Variants in BBOF1 observed in about 807,000 individuals in gnomAD.
BBOF1 encodes the protein basal body-orientation factor 1.
BBOF1 carries 62 observed loss-of-function variants against 68.0 expected under a neutral mutation model. The ratio of observed to expected loss-of-function variants is 0.91; its 90% CI spans 0.74 to 1.13. The LOEUF is 1.13. Ranked by LOEUF, BBOF1 falls within the 50% of genes most tolerant of loss-of-function variation. The probability of loss-of-function intolerance (pLI) is 0.00; values close to 1 mark genes in which losing one functional copy is unlikely to be tolerated. For missense variants in BBOF1, 534 were observed against 600.1 expected (o/e 0.89, Z 1.15); for synonymous variants, 208 against 198.8 (o/e 1.05, Z -0.39).
chr14:74,076,994 T>C (rs2060620068), intron 9 of BBOF1, among the ~76,000 whole-genome samples: 1 of 152,174 alleles, frequency 6.6e-6, no homozygotes, highest in African/African-American at 2.4e-5. Flanking sequence ...TTAACCAGAG[T>C]ATAGAGCTGC....
chr14:74,081,708 G>T (rs942614515), intron 12 of BBOF1, among the ~76,000 whole-genome samples: 5 of 152,014 alleles, frequency 3.3e-5, no homozygotes, highest in Non-Finnish European at 1.5e-5. Flanking sequence ...CTTTCCCTAG[G>T]TCCCCACAGT....
downstream of BBOF1, chr14:74,066,565 C>G: frequency 3.3e-6 from 3 of 903,604 alleles, no homozygotes; most frequent in South Asian, 4.2e-5. Context: ...CATTCAGACT[C>G]CAGATAAAAT....
chr14:74,063,648 C>T (rs1479970571), intron 11 of BBOF1, among the ~76,000 whole-genome samples: 1 of 151,046 alleles, frequency 6.6e-6, no homozygotes, highest in Non-Finnish European at 1.5e-5. Flanking sequence ...GGCGGATCAC[C>T]TGAGGTCAGG....
chr14:74,079,732 T>C (rs913774933), intron 10 of BBOF1, among the ~76,000 whole-genome samples: 1 of 152,162 alleles, frequency 6.6e-6, no homozygotes, highest in Admixed American at 6.5e-5. Context: ...GCGCCTGGCC[T>C]AATTTTTTGT....
downstream of BBOF1, chr14:74,068,868 C>T: frequency 3.1e-6 from 5 of 1,613,996 alleles, no homozygotes; most frequent in East Asian, 2.2e-5. Flanking sequence ...ACCATATTGG[C>T]TTGAACCCTC....
intron 9 of BBOF1, among the ~76,000 whole-genome samples, chr14:74,077,061 A>T (rs956112165): frequency 6.6e-6 from 1 of 152,166 alleles, no homozygotes; most frequent in African/African-American, 2.4e-5. Flanking sequence ...GGTCCAGCAG[A>T]TAGTCCTTCC....
At chr14:74,069,850 CTT>C (rs779619553), downstream of BBOF1, among the ~76,000 whole-genome samples, 22 of 122,468 alleles carry the variant, frequency 1.8e-4, no homozygotes, top group African/African-American at 3.6e-4. Context: ...CTAATCTAAC[CTT>C]TTTTTTTTTT....
rs546523594 is a variant in BBOF1 at position 74,036,222 on chromosome 14, A to AT, written c.495+2057dup. Among the ~76,000 whole-genome samples the AT allele has an allele frequency of 6.0e-4, 92 of 152,172 alleles. No homozygotes were observed. In the Middle Eastern group the frequency reaches 0.01, roughly 17 times the overall value. On this transcript the variant is annotated intron_variant, in intron 4 of 11. Transcript: ENST00000394009. ...AGGCGCACGCCACCGTGCTAGGCTAATTTTTTGTATTTTTAGTAGAGACAA... is the reference window on the plus strand; with the variant it reads ...AGGCGCACGCCACCGTGCTAGGCTAATTTTTTTGTATTTTTAGTAGAGACAA...
intron 11 of BBOF1, chr14:74,060,516 G>T: frequency 1.3e-6 from 1 of 782,306 alleles, no homozygotes. Flanking sequence ...TAATAGTCCT[G>T]AGGAAGATTT....
chr14:74,055,530 G>A (rs2060176041), intron 8 of BBOF1, 54 bp from the exon 9 acceptor site: 1 of 1,102,766 alleles, frequency 9.1e-7, no homozygotes, highest in Non-Finnish European at 1.4e-6. Context: ...AAGAAGAGAA[G>A]CCTATTTGAC....
chr14:74,067,857 G>A (rs1002888975), downstream of BBOF1, among the ~76,000 whole-genome samples: 4 of 152,014 alleles, frequency 2.6e-5, no homozygotes, highest in East Asian at 3.8e-4. Context: ...CCTGGGAGGC[G>A]GAGGTTGCAG....
chr14:74,023,925 C>CA (rs780429164), intron 2 of BBOF1, among the ~76,000 whole-genome samples: 2,272 of 45,954 alleles, frequency 0.049, 42 homozygotes, highest in African/African-American at 0.11. Context: ...GACTCCATCT[C>CA]AAAAAAAAAA....
chr14:74,026,882 G>A (rs531125535), intron 2 of BBOF1, among the ~76,000 whole-genome samples: 4 of 151,000 alleles, frequency 2.6e-5, no homozygotes, highest in South Asian at 2.1e-4. Context: ...CTGAGATTGC[G>A]CCACTGCACT....
chr14:74,045,030 G>A (rs562867135), intron 5 of BBOF1, among the ~76,000 whole-genome samples: 2 of 152,212 alleles, frequency 1.3e-5, no homozygotes, highest in East Asian at 1.9e-4. Flanking sequence ...GAGCAGGCCC[G>A]GCCAACCTTT....
chr14:74,026,444 CAAAAAAAAA>C (rs1166375665), intron 2 of BBOF1, among the ~76,000 whole-genome samples: 36 of 33,084 alleles, frequency 1.1e-3, no homozygotes, highest in Non-Finnish European at 1.9e-3. Context: ...AACTCCATCT[CAAAAAAAAA>C]AAAAAAAAAA....
intron 9 of BBOF1, among the ~76,000 whole-genome samples, chr14:74,076,124 T>C (rs1363011920): frequency 6.6e-6 from 1 of 152,230 alleles, no homozygotes; most frequent in Non-Finnish European, 1.5e-5. Context: ...ATTGTGATGC[T>C]ATTTTCACAG....
At chr14:74,057,015 C>T in intron 10 of BBOF1, 35 bp downstream of exon 10, 1 of 1,590,148 alleles carries the variant, frequency 6.3e-7, no homozygotes, top group East Asian at 2.2e-5. Context: ...TAAACATGAG[C>T]CCAACACGAT....
rs2059191747 is a variant in BBOF1 at position 74,019,383 on chromosome 14, A to G, written c.-96A>G. On this transcript the variant is annotated 5_prime_UTR_variant, in exon 1 of 12. Coordinates refer to ENST00000394009, the MANE Select transcript of BBOF1 (RefSeq NM_025057.3). ...GCGCCGTCAGCGGCGCGGGTGGGGC[A>G]TTGCCAGCTCGGCGTCCCGGTTCCC... is the stretch of plus-strand genomic sequence containing the variant. 25 of 1,468,828 alleles carry G rather than the reference A, an allele frequency of 1.7e-5. No individual in the cohort carries two copies. The South Asian group carries it at 2.5e-4, about 15-fold the overall frequency. The allele number at this position is 1,468,828 out of a possible 1,614,324, so 91.0% of individuals were successfully genotyped here.
At chr14:74,068,067 G>A (rs1173143158), downstream of BBOF1, among the ~76,000 whole-genome samples, 1 of 150,008 alleles carries the variant, frequency 6.7e-6, no homozygotes, top group African/African-American at 2.5e-5. Context: ...AGGCAAAACA[G>A]AAAGTAGACC....
Sources: gnomAD v4.1 joint callset for allele counts (sites outside exome capture counted in the v4.1 genomes callset) on GRCh38, gnomAD v4.1.1 for gene constraint, MANE v1.5 for transcripts, NCBI Gene and HGNC (gene_info 2026-07-23, HGNC 2026-07-21) for gene names.